Variants in MDFIC2 observed in about 807,000 individuals in gnomAD.
MDFIC2 encodes MyoD family inhibitor domain containing 2, also known as myoD family inhibitor domain-containing protein 2.
rs558581102 is a variant in MDFIC2, at chr3:70,208,525, T to G, written c.89-1735A>C. ...ATTCAGAATTTTTAAAGCTCTGGTA[T>G]TCCCCTATTCAGGAGACCAATTAAA... On this transcript the variant is annotated intron_variant, in intron 2 of 3. Coordinates refer to ENST00000567252, the MANE Select transcript of MDFIC2 (RefSeq NM_001364677.1). 2.0e-5 allele frequency among the ~76,000 whole-genome samples: 3 copies of G among 152,228 alleles called. No homozygotes were observed. The East Asian group carries it at 5.8e-4, about 29-fold the overall frequency.
At chr3:70,215,845 ACT>A (rs1701402671) in intron 2 of MDFIC2, among the ~76,000 whole-genome samples, 2 of 152,008 alleles carry the variant, frequency 1.3e-5, no homozygotes, top group Admixed American at 1.3e-4. Flanking sequence ...TTGACAATGG[ACT>A]CATCCTTAGG....
chr3:70,261,406 C>T (rs1017968135), intron 2 of MDFIC2, among the ~76,000 whole-genome samples: 1 of 152,186 alleles, frequency 6.6e-6, no homozygotes, highest in African/African-American at 2.4e-5. Flanking sequence ...AGCAGCTTCA[C>T]TCTCACTGTA....
At chr3:70,280,982 C>T (rs1046283423) in intron 2 of MDFIC2, among the ~76,000 whole-genome samples, 1 of 152,218 alleles carries the variant, frequency 6.6e-6, no homozygotes, top group Admixed American at 6.5e-5. Context: ...CACAGCTGTA[C>T]ATAGTTTGTT....
At chr3:70,280,302 G>T (rs556118962) in intron 2 of MDFIC2, among the ~76,000 whole-genome samples, 1 of 152,106 alleles carries the variant, frequency 6.6e-6, no homozygotes, top group East Asian at 1.9e-4. Flanking sequence ...CTCCACGTCA[G>T]GATCCTTAAC....
intron 2 of MDFIC2, among the ~76,000 whole-genome samples, chr3:70,218,706 T>C (rs562640390): frequency 8.5e-5 from 13 of 152,236 alleles, no homozygotes; most frequent in African/African-American, 3.1e-4. Context: ...CATATTTATG[T>C]CACTTAAAGC....
intron 2 of MDFIC2, among the ~76,000 whole-genome samples, chr3:70,268,618 T>C (rs1445048169): frequency 6.6e-6 from 1 of 152,184 alleles, no homozygotes; most frequent in Non-Finnish European, 1.5e-5. Context: ...TTTGGACAAA[T>C]GTATATTGAC....
intron 2 of MDFIC2, among the ~76,000 whole-genome samples, chr3:70,244,223 T>C (rs1266674771): frequency 6.6e-6 from 1 of 152,230 alleles, no homozygotes; most frequent in Non-Finnish European, 1.5e-5. Context: ...TACTCTGTAA[T>C]GCACTCCAGT....
intron 2 of MDFIC2, among the ~76,000 whole-genome samples, chr3:70,227,656 A>C (rs866349176): frequency 1.3e-5 from 2 of 152,192 alleles, no homozygotes; most frequent in Admixed American, 1.3e-4. Context: ...CAACCTAATA[A>C]TACTACTTAA....
At chr3:70,238,070 T>C (rs1295775785) in intron 2 of MDFIC2, among the ~76,000 whole-genome samples, 1 of 141,050 alleles carries the variant, frequency 7.1e-6, no homozygotes, top group African/African-American at 2.6e-5. Context: ...CTATTCTTTA[T>C]ACCTTGAGTG....
intron 2 of MDFIC2, among the ~76,000 whole-genome samples, chr3:70,288,689 AG>A (rs1169650084): frequency 6.6e-6 from 1 of 151,836 alleles, no homozygotes; most frequent in Non-Finnish European, 1.5e-5. Context: ...AATGTGTGGA[AG>A]TCTAAGTCTC....
At chr3:70,208,918 C>G (rs1268164617) in intron 2 of MDFIC2, among the ~76,000 whole-genome samples, 2 of 151,956 alleles carry the variant, frequency 1.3e-5, no homozygotes, top group African/African-American at 4.8e-5. Context: ...AAGGGATTGG[C>G]AGAAATAGGG....
At chr3:70,218,383 T>C (rs1211570312) in intron 2 of MDFIC2, among the ~76,000 whole-genome samples, 1 of 152,124 alleles carries the variant, frequency 6.6e-6, no homozygotes, top group African/African-American at 2.4e-5. Flanking sequence ...ATTTTTCCCT[T>C]TTTTACTAGT....
At chr3:70,282,734 C>T (rs1235255876) in intron 2 of MDFIC2, among the ~76,000 whole-genome samples, 9 of 152,286 alleles carry the variant, frequency 5.9e-5, no homozygotes, top group Non-Finnish European at 1.0e-4. Context: ...TTATTTGTCA[C>T]CAGACTTACC....
At chr3:70,214,255 C>T (rs573388635) in intron 2 of MDFIC2, among the ~76,000 whole-genome samples, 5 of 152,168 alleles carry the variant, frequency 3.3e-5, no homozygotes, top group Non-Finnish European at 7.4e-5. Flanking sequence ...GGTTGGAAGA[C>T]GTCCTTTAAA....
At chr3:70,244,115 T>G (rs1243727698) in intron 2 of MDFIC2, among the ~76,000 whole-genome samples, 1 of 152,154 alleles carries the variant, frequency 6.6e-6, no homozygotes, top group Non-Finnish European at 1.5e-5. Flanking sequence ...CCCCCACTGG[T>G]TTTCTTTGGC....
At position 70,281,487 on chromosome 3, in the gene MDFIC2, G is replaced by C. The variant is rs1575614390; in HGVS notation, c.88+30399C>G. ...CTTAGTTTCTTGGGTTCTCTGACATGCATTTTCCTTAAAGTCTCTTTAATA... is the reference window on the plus strand; with the variant it reads ...CTTAGTTTCTTGGGTTCTCTGACATCCATTTTCCTTAAAGTCTCTTTAATA... On this transcript the variant is annotated intron_variant, in intron 2 of 3. Transcript: ENST00000567252. Among the ~76,000 whole-genome samples, 4 of 152,154 alleles carry C rather than the reference G, an allele frequency of 2.6e-5. No homozygotes were observed. The South Asian group carries it at 8.3e-4, about 31-fold the overall frequency.
intron 2 of MDFIC2, among the ~76,000 whole-genome samples, chr3:70,213,514 C>T (rs1338835091): frequency 2.6e-5 from 4 of 152,088 alleles, no homozygotes; most frequent in Non-Finnish European, 5.9e-5. Context: ...GAATTTAGTA[C>T]TGTAGTTATC....
At chr3:70,250,375 T>C (rs529586733) in intron 2 of MDFIC2, among the ~76,000 whole-genome samples, 1 of 151,872 alleles carries the variant, frequency 6.6e-6, no homozygotes, top group East Asian at 1.9e-4. Flanking sequence ...TTTTTATTGT[T>C]ATTGACAATA....
chr3:70,307,410 A>T (rs1270750558), intron 2 of MDFIC2, among the ~76,000 whole-genome samples: 1 of 152,126 alleles, frequency 6.6e-6, no homozygotes, highest in Non-Finnish European at 1.5e-5. Context: ...TCTCTTCCGT[A>T]TCAAATGGTG....
Sources: allele counts gnomAD v4.1 joint callset (sites outside exome capture counted in the v4.1 genomes callset), GRCh38; gene constraint gnomAD v4.1.1; transcripts MANE v1.5; gene names NCBI Gene and HGNC (gene_info 2026-07-23, HGNC 2026-07-21).